The following EFCAB7 variants were observed in gnomAD, a reference collection of about 807,000 sequenced individuals.
EFCAB7 encodes EF-hand calcium binding domain 7, also known as EF-hand calcium-binding domain-containing protein 7.
EFCAB7 carries 66 observed loss-of-function variants against 77.1 expected under a neutral mutation model. The observed-to-expected ratio is 0.86, with a 90% CI of 0.70 to 1.05. EFCAB7 has a LOEUF of 1.05. EFCAB7 is among the 50% of genes least tolerant of loss of function. EFCAB7 has a pLI of 0.00. For synonymous variants in EFCAB7, 225 were observed against 243.3 expected, an observed-to-expected ratio of 0.92 and a Z score of 0.70; for missense variants, 638 against 730.5, an observed-to-expected ratio of 0.87 and a Z score of 1.46.
rs78849417 is a variant in EFCAB7 at position 63,553,154 on chromosome 1, A to G, written c.1056+1320A>G. Among the ~76,000 whole-genome samples, 999 of 152,272 alleles carry G rather than the reference A, an allele frequency of 6.6e-3. 9 individuals carry two copies. The highest frequency in any genetic ancestry group is 0.023 in the African/African-American group (935 of 41,546). ...TTTCTTATAGATGAGTTTTGTGCCCATGAAAAAACTTTCCATTTGTCATCC... is the reference window on the plus strand; with the variant it reads ...TTTCTTATAGATGAGTTTTGTGCCCGTGAAAAAACTTTCCATTTGTCATCC... On this transcript the variant is annotated intron_variant, in intron 8 of 13. Coordinates refer to ENST00000371088, the MANE Select transcript of EFCAB7 (RefSeq NM_032437.4).
At chr1:63,569,424 A>G (rs1647207961) in intron 12 of EFCAB7, 1 of 152,286 alleles carries the variant, frequency 6.6e-6, no homozygotes, top group East Asian at 1.9e-4. Flanking sequence ...TGTGTGTGCA[A>G]TAGGGGTTTT....
chr1:63,567,445 C>T (rs1647183335), intron 11 of EFCAB7, among the ~76,000 whole-genome samples: 1 of 151,594 alleles, frequency 6.6e-6, no homozygotes, highest in Non-Finnish European at 1.5e-5. Flanking sequence ...AAGAGCAAAA[C>T]TCCATCTCCA....
rs573098593 is a variant in EFCAB7 at position 63,549,138 on chromosome 1, G to C, written c.947-2587G>C. On this transcript the variant is annotated intron_variant, in intron 7 of 13. Transcript: ENST00000371088. ...CGCCAAGGCTGGCGCAGTCGGTTTT[G>C]ACCTGTAGCAGAGAACCAATTCTGG... 21 of 295,782 alleles carry C rather than the reference G, an allele frequency of 7.1e-5. No individual in the cohort carries two copies. In the East Asian group the frequency reaches 2.3e-3, roughly 32 times the overall value. 18.3% of individuals were successfully genotyped at this position (295,782 alleles called of 1,614,324 possible). A position where few individuals can be genotyped will look rare whatever the true frequency, so the allele number is the denominator to read the frequency against.
intron 10 of EFCAB7, among the ~76,000 whole-genome samples, chr1:63,561,469 C>T (rs747239186): frequency 6.6e-6 from 1 of 152,112 alleles, no homozygotes; most frequent in African/African-American, 2.4e-5. Flanking sequence ...CTATTTATAA[C>T]TTTAGGATTT....
In EFCAB7 at chr1:63,557,191, T is replaced by C. The variant is rs948283136; in HGVS notation, c.1292T>C (p.Phe431Ser). Residue 431 changes from phenylalanine to serine, a missense_variant, in exon 10 of 14, where the codon TTT (phenylalanine) becomes TCT (serine). Physicochemically the swap from Phe to Ser is radical, Grantham distance 155 (BLOSUM62 -2). Coordinates refer to ENST00000371088, the MANE Select transcript of EFCAB7 (RefSeq NM_032437.4). ...CTTAGCCTTGAAGAATATAATTTTT[T>C]TGAATTGAGAACAAGTGGTGAGAAA... ...GLLSLEEYNF[F>S]ELRTSGEKCD... is the part of the protein sequence containing the mutation. 6.2e-7 allele frequency: 1 copy of C among 1,611,248 alleles called. No individual in the cohort carries two copies.
Position 63,557,046 on chromosome 1 carries a change from A to T in EFCAB7, c.1215-68A>T, listed in dbSNP as rs539671979. On this transcript the variant is annotated intron_variant, in intron 9 of 13. Coordinates refer to ENST00000371088, the MANE Select transcript of EFCAB7 (RefSeq NM_032437.4). The stretch of plus-strand genomic sequence containing the variant: ...GAGTGAGACTCCGTCTCAAAAAAAA[A>T]AAAAAAACCCTTCTTCAGCGTAGTT... 3.6e-6 allele frequency: 5 copies of T among 1,378,152 alleles called. No individual in the cohort carries two copies. In the South Asian group the frequency reaches 6.9e-5, roughly 19 times the overall value. 85.4% of individuals were successfully genotyped at this position (1,378,152 alleles called of 1,614,324 possible).
At chr1:63,523,658 G>A (rs17125095) in intron 1 of EFCAB7, 24 bp downstream of exon 1, 3,412 of 178,672 alleles carry the variant, frequency 0.019, 129 homozygotes, top group African/African-American at 0.076. Context: ...CGCTGTCTCT[G>A]TCTCTTCGCT....
At chr1:63,544,038 T>C (rs217447) in intron 6 of EFCAB7, among the ~76,000 whole-genome samples, 89,695 of 148,954 alleles carry the variant, frequency 0.6, 28,726 homozygotes, top group African/African-American at 0.82. Flanking sequence ...GGCATGATCA[T>C]GGCTCACTGC....
intron 1 of EFCAB7, 140 bp downstream of exon 1, chr1:63,523,774 G>A (rs1646522110): frequency 6.5e-6 from 1 of 153,394 alleles, no homozygotes; most frequent in African/African-American, 2.4e-5. Context: ...ATGTAAATGC[G>A]GTTTTATTTC....
intron 6 of EFCAB7, among the ~76,000 whole-genome samples, chr1:63,536,940 G>A (rs1017924089): frequency 2.0e-5 from 3 of 152,132 alleles, no homozygotes; most frequent in Admixed American, 6.5e-5. Context: ...TCAACTTCAT[G>A]TGGAACAGAA....
At chr1:63,558,587 C>G (rs898097391) in intron 10 of EFCAB7, among the ~76,000 whole-genome samples, 1 of 152,254 alleles carries the variant, frequency 6.6e-6, no homozygotes, top group South Asian at 2.1e-4. Flanking sequence ...GGAGGAATGT[C>G]TACTTTACCA....
At chr1:63,536,954 T>C (rs983463799) in intron 6 of EFCAB7, among the ~76,000 whole-genome samples, 1 of 152,104 alleles carries the variant, frequency 6.6e-6, no homozygotes, top group Non-Finnish European at 1.5e-5. Context: ...AACAGAAAAG[T>C]ATGGAATTGG....
chr1:63,582,140 A>G, the EFCAB7 span, among the ~76,000 whole-genome samples: 1 of 152,232 alleles, frequency 6.6e-6, no homozygotes, highest in Non-Finnish European at 1.5e-5. Context: ...AGTAAATTGC[A>G]TATCAAAGTA....
chr1:63,534,352 T>C (rs1048081953), intron 6 of EFCAB7, 136 bp downstream of exon 6: 2 of 627,334 alleles, frequency 3.2e-6, no homozygotes, highest in Admixed American at 6.3e-5. Context: ...AATTTCTACC[T>C]GTAAGCTAGT....
At chr1:63,523,939 C>T (rs1448970077) in intron 1 of EFCAB7, among the ~76,000 whole-genome samples, 1 of 152,000 alleles carries the variant, frequency 6.6e-6, no homozygotes, top group Non-Finnish European at 1.5e-5. Context: ...TATTGTGTGG[C>T]TGGTTATTTA....
intron 6 of EFCAB7, 119 bp from the exon 7 acceptor site, chr1:63,545,797 G>T: frequency 1.2e-6 from 1 of 844,364 alleles, no homozygotes; most frequent in South Asian, 1.6e-5. Context: ...GCACATTCCT[G>T]GAGAGCAATG....
the EFCAB7 span, among the ~76,000 whole-genome samples, chr1:63,584,588 C>T: frequency 6.6e-6 from 1 of 152,128 alleles, no homozygotes; most frequent in Non-Finnish European, 1.5e-5. Flanking sequence ...TTCCAAGTTA[C>T]ACCAAGTGTG....
At chr1:63,526,677 A>G (rs1355320152) in intron 2 of EFCAB7, among the ~76,000 whole-genome samples, 3 of 152,270 alleles carry the variant, frequency 2.0e-5, no homozygotes, top group Non-Finnish European at 4.4e-5. Context: ...TTTGATTTAC[A>G]TAATTTTAAA....
intron 2 of EFCAB7, among the ~76,000 whole-genome samples, chr1:63,531,192 C>G (rs1185639954): frequency 1.3e-5 from 2 of 152,050 alleles, no homozygotes; most frequent in Non-Finnish European, 2.9e-5. Flanking sequence ...CTTAAGTTCC[C>G]CTTCCCAGTC....
Sources: allele counts gnomAD v4.1 joint callset (sites outside exome capture counted in the v4.1 genomes callset), GRCh38; gene constraint gnomAD v4.1.1; transcripts MANE v1.5; gene names NCBI Gene and HGNC (gene_info 2026-07-23, HGNC 2026-07-21).